The following ASB7 variants were observed in gnomAD, a reference collection of about 807,000 sequenced individuals.
ASB7 encodes the protein ankyrin repeat and SOCS box containing 7, also known as ankyrin repeat and SOCS box protein 7.
A neutral mutation model predicts 32.5 loss-of-function variants in ASB7; 4 were observed. The observed-to-expected ratio is 0.12, with a 90% CI of 0.06 to 0.28. The LOEUF is 0.28. ASB7 is among the 10% of genes least tolerant of loss of function. ASB7 has a pLI of 1.00. For missense variants in ASB7, 181 were observed against 407.1 expected, an observed-to-expected ratio of 0.44 and a Z score of 4.78; for synonymous variants, 172 against 155.6, an observed-to-expected ratio of 1.11 and a Z score of -0.78.
intron 4 of ASB7, among the ~76,000 whole-genome samples, chr15:100,623,843 A>T (rs1399901733): frequency 6.6e-6 from 1 of 152,252 alleles, no homozygotes; most frequent in East Asian, 1.9e-4. Context: ...CCCACTACTG[A>T]GTATCCAAAA....
Position 100,616,428 on chromosome 15 carries a change from G to A in ASB7, c.211+4001G>A, listed in dbSNP as rs116350836. Reference sequence around the variant, plus strand: ...TGTCTTGTTTAGGAAGTATACTGCAGGGTCATTATTTGCCTTTGTTTTCTT... The same window carrying A: ...TGTCTTGTTTAGGAAGTATACTGCAAGGTCATTATTTGCCTTTGTTTTCTT... On this transcript the variant is annotated intron_variant, in intron 4 of 5. Transcript: ENST00000332783. Among the ~76,000 whole-genome samples, 602 of 152,174 alleles carry A rather than the reference G, an allele frequency of 4.0e-3. 2 individuals carry two copies. Among genetic ancestry groups the A allele is most frequent in the African/African-American group, 0.014 (564 of 41,530 alleles).
chr15:100,627,163 G>A (rs543619239), intron 4 of ASB7, among the ~76,000 whole-genome samples: 4 of 151,440 alleles, frequency 2.6e-5, no homozygotes, highest in Admixed American at 6.6e-5. Context: ...TTTTTTTCTC[G>A]TAAATTTAAA....
At chr15:100,628,863 G>GA (rs2039862430) in intron 4 of ASB7, among the ~76,000 whole-genome samples, 1 of 152,098 alleles carries the variant, frequency 6.6e-6, no homozygotes, top group South Asian at 2.1e-4. Context: ...TCTATCTTGT[G>GA]AAAAAACAAT....
chr15:100,622,543 C>T (rs1051570398), intron 4 of ASB7, among the ~76,000 whole-genome samples: 5 of 152,172 alleles, frequency 3.3e-5, no homozygotes, highest in African/African-American at 7.2e-5. Flanking sequence ...ATCACACTAC[C>T]GGACTTCAAA....
At chr15:100,622,656 A>G (rs2039804031) in intron 4 of ASB7, among the ~76,000 whole-genome samples, 2 of 152,210 alleles carry the variant, frequency 1.3e-5, no homozygotes, top group South Asian at 4.1e-4. Context: ...TTTTTAGTAA[A>G]CTGATTTTCG....
intron 4 of ASB7, among the ~76,000 whole-genome samples, chr15:100,614,516 C>G (rs937048243): frequency 2.6e-5 from 4 of 152,068 alleles, no homozygotes; most frequent in Non-Finnish European, 2.9e-5. Context: ...GCTCTGCAGT[C>G]GGAGCCTGGA....
intron 2 of ASB7, among the ~76,000 whole-genome samples, chr15:100,608,426 A>G (rs546179308): frequency 5.3e-5 from 8 of 152,324 alleles, no homozygotes; most frequent in East Asian, 3.9e-4. Context: ...ATTTGTATCA[A>G]TGTGAACTCT....
chr15:100,626,723 A>G (rs971486515), intron 4 of ASB7, among the ~76,000 whole-genome samples: 4 of 152,154 alleles, frequency 2.6e-5, no homozygotes, highest in Non-Finnish European at 4.4e-5. Context: ...TGAAATGCCC[A>G]TCTTCTCATC....
intron 4 of ASB7, among the ~76,000 whole-genome samples, chr15:100,614,053 G>A (rs947433183): frequency 3.3e-5 from 5 of 152,080 alleles, no homozygotes; most frequent in Admixed American, 2.0e-4. Flanking sequence ...TGAGTGGATC[G>A]CCTGAGGTCA....
At position 100,612,200 on chromosome 15, in the gene ASB7, A is replaced by T. The variant is rs2039702256; in HGVS notation, c.-17A>T. 1 of 1,598,452 alleles carries T rather than the reference A, an allele frequency of 6.3e-7. No homozygotes were observed. Among genetic ancestry groups the T allele is most frequent in the African/African-American group, 1.3e-5 (1 of 74,564 alleles). ...CGTAACCTAATGAATCCTTTGTAAA[A>T]AGTGGACTCAGCTAGGATGTTACAC... is the stretch of plus-strand genomic sequence containing the variant. On this transcript the variant is annotated 5_prime_UTR_variant, in exon 4 of 6. Coordinates refer to ENST00000332783, the MANE Select transcript of ASB7 (RefSeq NM_198243.3).
At chr15:100,619,743 TAA>T (rs1295643904) in intron 4 of ASB7, among the ~76,000 whole-genome samples, 1 of 152,084 alleles carries the variant, frequency 6.6e-6, no homozygotes, top group Non-Finnish European at 1.5e-5. Flanking sequence ...AAAATCAGAG[TAA>T]GAGGTTGCTT....
At chr15:100,640,492 G>A (rs1400340546) in intron 5 of ASB7, among the ~76,000 whole-genome samples, 1 of 152,054 alleles carries the variant, frequency 6.6e-6, no homozygotes, top group South Asian at 2.1e-4. Flanking sequence ...AGAGGTATTG[G>A]GCGGCCATCC....
At chr15:100,620,722 C>G (rs2039784418) in intron 4 of ASB7, among the ~76,000 whole-genome samples, 2 of 152,322 alleles carry the variant, frequency 1.3e-5, no homozygotes, top group East Asian at 3.9e-4. Context: ...TTGTAACAAA[C>G]TCATTATTAT....
chr15:100,635,273 A>T (rs2039914772), intron 5 of ASB7, among the ~76,000 whole-genome samples: 1 of 152,202 alleles, frequency 6.6e-6, no homozygotes, highest in African/African-American at 2.4e-5. Flanking sequence ...ATTAATCTTA[A>T]TAATTAATGG....
intron 5 of ASB7, among the ~76,000 whole-genome samples, chr15:100,646,808 A>G (rs1451663936): frequency 6.6e-6 from 1 of 152,182 alleles, no homozygotes; most frequent in Non-Finnish European, 1.5e-5. Flanking sequence ...TTTTCTCTCC[A>G]TGGGTCTCCT....
At chr15:100,647,645 G>A (rs1340816341) in intron 5 of ASB7, among the ~76,000 whole-genome samples, 3 of 152,174 alleles carry the variant, frequency 2.0e-5, no homozygotes, top group Non-Finnish European at 4.4e-5. Flanking sequence ...TTGAAGCGAT[G>A]TAGATTCAGA....
intron 2 of ASB7, among the ~76,000 whole-genome samples, chr15:100,607,192 T>G (rs968379903): frequency 6.6e-6 from 1 of 152,116 alleles, no homozygotes; most frequent in African/African-American, 2.4e-5. Context: ...GCTATATTCC[T>G]TTTCTTTTTA....
intron 5 of ASB7, among the ~76,000 whole-genome samples, chr15:100,642,519 G>C (rs545009282): frequency 1.1e-4 from 17 of 152,314 alleles, no homozygotes; most frequent in Admixed American, 9.2e-4. Context: ...CAACCAACAG[G>C]CTTCTTAAAG....
intron 5 of ASB7, chr15:100,645,483 G>A (rs1272043383): frequency 1.7e-6 from 1 of 571,528 alleles, no homozygotes; most frequent in East Asian, 3.6e-5. Flanking sequence ...CTCGGAAGGA[G>A]CCCTGTGTCT....
Sources: gnomAD v4.1 joint callset for allele counts (sites outside exome capture counted in the v4.1 genomes callset) on GRCh38, gnomAD v4.1.1 for gene constraint, MANE v1.5 for transcripts, NCBI Gene and HGNC (gene_info 2026-07-23, HGNC 2026-07-21) for gene names.